The following TAFA1 variants were observed in gnomAD, a reference collection of about 807,000 sequenced individuals.
The protein encoded by TAFA1 is chemokine-like protein TAFA-1.
Under a neutral mutation model 18.5 loss-of-function variants are expected in TAFA1, and 4 were observed. That is an observed-to-expected ratio of 0.22 (90% CI 0.11 to 0.49). The LOEUF is 0.49. Ranked by LOEUF, TAFA1 falls within the 20% of genes least tolerant of loss-of-function variation. The pLI is 0.98. For synonymous variants in TAFA1, 56 were observed against 55.2 expected, an observed-to-expected ratio of 1.01 and a Z score of -0.06; for missense variants, 147 against 169.0, an observed-to-expected ratio of 0.87 and a Z score of 0.72.
chr3:68,064,905 G>GA (rs1455514907), intron 2 of TAFA1, among the ~76,000 whole-genome samples: 1 of 151,670 alleles, frequency 6.6e-6, no homozygotes, highest in African/African-American at 2.4e-5. Flanking sequence ...GCATTTTTGA[G>GA]AAAAAAATAA....
chr3:68,494,693 T>C (rs1193046755), intron 3 of TAFA1, among the ~76,000 whole-genome samples: 2 of 152,204 alleles, frequency 1.3e-5, no homozygotes, highest in African/African-American at 2.4e-5. Flanking sequence ...GGCTGATTAT[T>C]TTTTATCATT....
chr3:68,040,307 T>G (rs940717576), intron 2 of TAFA1, among the ~76,000 whole-genome samples: 2 of 152,074 alleles, frequency 1.3e-5, no homozygotes, highest in African/African-American at 4.8e-5. Flanking sequence ...AAGCCTCCCC[T>G]CCTGCTGAGC....
At chr3:68,135,795 C>T (rs973203684) in intron 2 of TAFA1, among the ~76,000 whole-genome samples, 6 of 152,014 alleles carry the variant, frequency 3.9e-5, no homozygotes, top group Admixed American at 2.0e-4. Context: ...TTTAATTTAT[C>T]AAAATTTCCC....
intron 2 of TAFA1, among the ~76,000 whole-genome samples, chr3:68,341,737 G>A (rs933259146): frequency 6.6e-6 from 1 of 152,184 alleles, no homozygotes; most frequent in Non-Finnish European, 1.5e-5. Flanking sequence ...TGTTAGGTCT[G>A]ATCTCTTTCA....
intron 2 of TAFA1, among the ~76,000 whole-genome samples, chr3:68,358,413 T>C (rs1257319513): frequency 6.6e-6 from 1 of 151,964 alleles, no homozygotes; most frequent in Admixed American, 6.6e-5. Flanking sequence ...TCTGAGGCAT[T>C]ATTCCAGTTC....
At position 68,021,079 on chromosome 3, in the gene TAFA1, G is replaced by A. The variant is rs1441444646; in HGVS notation, c.118+14335G>A. On this transcript the variant is annotated intron_variant, in intron 2 of 4. Transcript: ENST00000478136. ...CATGTGCCTGTAATCCCAGCTACTC[G>A]GAAGGCTGAGATGAGAGAATTGCTT... 1.0e-4 allele frequency among the ~76,000 whole-genome samples: 15 copies of A among 150,344 alleles called. No individual in the cohort carries two copies. The East Asian group carries it at 2.2e-3, about 22-fold the overall frequency.
At chr3:68,369,781 C>T (rs2069643906) in intron 2 of TAFA1, among the ~76,000 whole-genome samples, 1 of 152,130 alleles carries the variant, frequency 6.6e-6, no homozygotes, top group African/African-American at 2.4e-5. Context: ...TCTCCTGTTT[C>T]TAGAATGGTG....
chr3:68,519,496 A>C (rs1307223355), intron 3 of TAFA1, among the ~76,000 whole-genome samples: 4 of 152,274 alleles, frequency 2.6e-5, no homozygotes, highest in African/African-American at 7.2e-5. Flanking sequence ...TACTTTGCCT[A>C]GTATGATGCA....
chr3:68,363,538 A>C (rs262229), intron 2 of TAFA1, among the ~76,000 whole-genome samples: 1 of 151,978 alleles, frequency 6.6e-6, no homozygotes, highest in Non-Finnish European at 1.5e-5. Flanking sequence ...CCGAAAGACA[A>C]GCTTTTGATC....
At chr3:68,290,499 A>C (rs1271214005) in intron 2 of TAFA1, among the ~76,000 whole-genome samples, 2 of 152,186 alleles carry the variant, frequency 1.3e-5, no homozygotes, top group Non-Finnish European at 2.9e-5. Flanking sequence ...TTACAGAGTC[A>C]TAATGAAATT....
intron 2 of TAFA1, among the ~76,000 whole-genome samples, chr3:68,232,377 C>T (rs2066882508): frequency 6.6e-6 from 1 of 152,126 alleles, no homozygotes; most frequent in Admixed American, 6.5e-5. Context: ...TCATATTGCC[C>T]CATGTGACAG....
chr3:68,165,768 TA>T (rs1475865183), intron 2 of TAFA1, among the ~76,000 whole-genome samples: 16 of 152,318 alleles, frequency 1.1e-4, no homozygotes, highest in African/African-American at 3.6e-4. Context: ...CCCTCTTGTC[TA>T]AAAGGAAAGA....
rs6790927 is a variant in TAFA1, at chr3:68,079,563, G to A, written c.118+72819G>A. On this transcript the variant is annotated intron_variant, in intron 2 of 4. Coordinates refer to ENST00000478136, the MANE Select transcript of TAFA1 (RefSeq NM_213609.4). Reference sequence around the variant, plus strand: ...ACATCTTTATTTCTGCCTTCATTTCGTTATGTACCTAGTAGTCATTCAGGA... The same window carrying A: ...ACATCTTTATTTCTGCCTTCATTTCATTATGTACCTAGTAGTCATTCAGGA... Among the ~76,000 whole-genome samples, 600 of 152,004 alleles carry A rather than the reference G, an allele frequency of 3.9e-3. 2 individuals carry two copies. Among genetic ancestry groups the A allele is most frequent in the African/African-American group, 0.014 (572 of 41,458 alleles).
intron 2 of TAFA1, among the ~76,000 whole-genome samples, chr3:68,250,353 T>TA (rs1358245516): frequency 6.6e-6 from 1 of 152,178 alleles, no homozygotes; most frequent in Non-Finnish European, 1.5e-5. Flanking sequence ...AGAATGAGCT[T>TA]ATCATATAAG....
chr3:68,210,420 A>G (rs1371326373), intron 2 of TAFA1, among the ~76,000 whole-genome samples: 2 of 152,024 alleles, frequency 1.3e-5, no homozygotes, highest in African/African-American at 4.8e-5. Flanking sequence ...CTCATCCATT[A>G]GGTAAAGTCT....
At chr3:68,202,842 T>A (rs1023998587) in intron 2 of TAFA1, among the ~76,000 whole-genome samples, 1 of 151,690 alleles carries the variant, frequency 6.6e-6, no homozygotes, top group Non-Finnish European at 1.5e-5. Context: ...TTCTGTTAAA[T>A]CAATGAAGAA....
At chr3:68,199,274 G>T (rs1422397694) in intron 2 of TAFA1, among the ~76,000 whole-genome samples, 2 of 151,502 alleles carry the variant, frequency 1.3e-5, no homozygotes, top group African/African-American at 4.8e-5. Context: ...TTTACAGTAA[G>T]TCTTGAAAGC....
In TAFA1 at chr3:68,347,442, C is replaced by T. The variant is rs529660006; in HGVS notation, c.119-69838C>T. ...TGGAAATGGTTCTCCTGTAGTGCAG[C>T]ACCATAACACTTTCTGTATAACATA... On this transcript the variant is annotated intron_variant, in intron 2 of 4. Coordinates refer to ENST00000478136, the MANE Select transcript of TAFA1 (RefSeq NM_213609.4). 4.1e-4 allele frequency among the ~76,000 whole-genome samples: 62 copies of T among 152,320 alleles called. 1 individual carries two copies. Among genetic ancestry groups the T allele is most frequent in the South Asian group, 1.4e-3 (7 of 4,832 alleles).
At chr3:68,196,377 A>C (rs1393855568) in intron 2 of TAFA1, among the ~76,000 whole-genome samples, 1 of 151,764 alleles carries the variant, frequency 6.6e-6, no homozygotes, top group Non-Finnish European at 1.5e-5. Context: ...CAAATGTAGC[A>C]ATCAATCAAT....
Sources: gnomAD v4.1 joint callset for allele counts (sites outside exome capture counted in the v4.1 genomes callset) on GRCh38, gnomAD v4.1.1 for gene constraint, MANE v1.5 for transcripts, NCBI Gene and HGNC (gene_info 2026-07-23, HGNC 2026-07-21) for gene names.